RALYL: variants seen among roughly 807,000 people sequenced by gnomAD.
RALYL encodes RNA-binding Raly-like protein.
A neutral mutation model predicts 35.1 loss-of-function variants in RALYL; 29 were observed. The observed-to-expected ratio is 0.83, with a 90% CI of 0.61 to 1.13. The LOEUF is 1.13. RALYL is among the 50% of genes most tolerant of loss of function. The pLI is 0.00. For missense variants in RALYL, 359 were observed against 360.4 expected (o/e 1.00, Z 0.03); for synonymous variants, 120 against 127.6 (o/e 0.94, Z 0.40).
At chr8:84,293,436 C>G (rs1839153496) in intron 1 of RALYL, among the ~76,000 whole-genome samples, 1 of 152,020 alleles carries the variant, frequency 6.6e-6, no homozygotes, top group African/African-American at 2.4e-5. Context: ...CAGCATTTCC[C>G]TCACATCATC....
intron 1 of RALYL, among the ~76,000 whole-genome samples, chr8:84,488,408 G>T (rs140650028): frequency 2.4e-4 from 36 of 152,110 alleles, no homozygotes; most frequent in Admixed American, 4.6e-4. Context: ...AGAGAGCCCA[G>T]GAAGTACACA....
rs558784358 is a variant in RALYL, at chr8:84,833,360, G to A, written c.366-16620G>A. On this transcript the variant is annotated intron_variant, in intron 4 of 8. Coordinates refer to ENST00000521268, the MANE Select transcript of RALYL (RefSeq NM_173848.7). The stretch of plus-strand genomic sequence containing the variant: ...CCAATTAAGATTTCATTATCTGGCC[G>A]GGTGCAGTGGCTCATGCCTGTAATC... Among the ~76,000 whole-genome samples, 54 of 151,990 alleles carry A rather than the reference G, an allele frequency of 3.6e-4. No individual in the cohort carries two copies. The South Asian group carries it at 0.01, about 29-fold the overall frequency.
intron 2 of RALYL, among the ~76,000 whole-genome samples, chr8:84,578,245 C>T (rs943744643): frequency 6.6e-6 from 1 of 152,248 alleles, no homozygotes; most frequent in Admixed American, 6.5e-5. Context: ...GGATTAGATG[C>T]ACCATAAGCG....
chr8:84,607,178 C>G (rs185898320), intron 2 of RALYL, among the ~76,000 whole-genome samples: 6 of 151,982 alleles, frequency 3.9e-5, no homozygotes, highest in South Asian at 2.1e-4. Context: ...TTTTCCCCCC[C>G]CTTTTCTTCC....
intron 1 of RALYL, among the ~76,000 whole-genome samples, chr8:84,474,719 A>T (rs547962750): frequency 6.6e-6 from 1 of 152,240 alleles, no homozygotes; most frequent in East Asian, 1.9e-4. Context: ...CCTGAATCAA[A>T]TTTTTCTGCT....
intron 8 of RALYL, among the ~76,000 whole-genome samples, chr8:84,897,570 A>G (rs1293011626): frequency 6.6e-6 from 1 of 152,076 alleles, no homozygotes; most frequent in East Asian, 1.9e-4. Context: ...GTGATGATAT[A>G]GGGCTTTTGC....
chr8:84,539,858 A>ATATATATATATG (rs1564110437), intron 2 of RALYL, among the ~76,000 whole-genome samples: 1 of 72,912 alleles, frequency 1.4e-5, no homozygotes, highest in Non-Finnish European at 2.8e-5. Context: ...ATATATGTAT[A>ATATATATATATG]TATATATATA....
intron 1 of RALYL, among the ~76,000 whole-genome samples, chr8:84,267,214 A>G (rs1305472351): frequency 6.6e-6 from 1 of 152,162 alleles, no homozygotes; most frequent in African/African-American, 2.4e-5. Context: ...AAGAAAAATT[A>G]TTTCATAGTG....
At chr8:84,310,864 G>C (rs1586167842) in intron 1 of RALYL, among the ~76,000 whole-genome samples, 1 of 137,608 alleles carries the variant, frequency 7.3e-6, no homozygotes, top group Non-Finnish European at 1.6e-5. Flanking sequence ...TGGCTAACAA[G>C]GTGAAACCCC....
chr8:84,709,976 G>A lies in RALYL; in HGVS notation c.257-64603G>A, dbSNP rs549132401. ...CATGGGAGGCTGAGGCACAATAATC[G>A]CTTGAACCCAAGAGGTGGAGGTTGC... On this transcript the variant is annotated intron_variant, in intron 2 of 8. Transcript: ENST00000521268. Among the ~76,000 whole-genome samples the A allele has an allele frequency of 3.3e-5, 5 of 152,096 alleles. No homozygotes were observed. In the South Asian group the frequency reaches 1.0e-3, roughly 32 times the overall value.
chr8:84,460,350 A>G (rs917275547), intron 1 of RALYL, among the ~76,000 whole-genome samples: 10 of 151,770 alleles, frequency 6.6e-5, no homozygotes, highest in African/African-American at 2.4e-4. Flanking sequence ...CTCCAGGTAT[A>G]TTTGTATACT....
chr8:84,565,071 A>G (rs1026366250), intron 2 of RALYL, among the ~76,000 whole-genome samples: 2 of 151,584 alleles, frequency 1.3e-5, no homozygotes, highest in African/African-American at 4.8e-5. Context: ...GTTTTCTAAT[A>G]TATTAGCAGC....
chr8:84,216,334 A>G (rs1020794504), intron 1 of RALYL, among the ~76,000 whole-genome samples: 10 of 152,170 alleles, frequency 6.6e-5, no homozygotes, highest in African/African-American at 2.4e-4. Flanking sequence ...GAAGAAATAT[A>G]ATATTATTTT....
intron 2 of RALYL, among the ~76,000 whole-genome samples, chr8:84,754,426 C>T (rs1810874203): frequency 6.6e-6 from 1 of 152,096 alleles, no homozygotes; most frequent in Non-Finnish European, 1.5e-5. Flanking sequence ...ACTGGTGATT[C>T]TTGTCCCTCT....
chr8:84,847,227 G>A (rs929663399), intron 4 of RALYL, among the ~76,000 whole-genome samples: 2 of 152,202 alleles, frequency 1.3e-5, no homozygotes, highest in African/African-American at 4.8e-5. Flanking sequence ...TCAAATGTCT[G>A]TGGGGATCAT....
chr8:84,425,598 A>T (rs2046314978), intron 1 of RALYL, among the ~76,000 whole-genome samples: 1 of 152,080 alleles, frequency 6.6e-6, no homozygotes, highest in Admixed American at 6.5e-5. Flanking sequence ...ATGAACTCTT[A>T]TACAGCCACT....
At chr8:84,393,779 T>C (rs1254718628) in intron 1 of RALYL, among the ~76,000 whole-genome samples, 1 of 152,100 alleles carries the variant, frequency 6.6e-6, no homozygotes, top group Admixed American at 6.6e-5. Context: ...TATTAAACCT[T>C]CTAAGCATCA....
intron 2 of RALYL, among the ~76,000 whole-genome samples, chr8:84,566,547 CA>C (rs1428599536): frequency 1.3e-5 from 2 of 151,338 alleles, no homozygotes; most frequent in Non-Finnish European, 3.0e-5. Flanking sequence ...ACATTTTATT[CA>C]TTTACTACAA....
intron 1 of RALYL, among the ~76,000 whole-genome samples, chr8:84,272,643 C>A (rs1230445679): frequency 6.6e-6 from 1 of 152,032 alleles, no homozygotes; most frequent in African/African-American, 2.4e-5. Flanking sequence ...AACTATATAG[C>A]AAGTAAAATG....
Sources: gnomAD v4.1 joint callset for allele counts (sites outside exome capture counted in the v4.1 genomes callset) on GRCh38, gnomAD v4.1.1 for gene constraint, MANE v1.5 for transcripts, NCBI Gene and HGNC (gene_info 2026-07-23, HGNC 2026-07-21) for gene names.